CDH4: variants seen among roughly 807,000 people sequenced by gnomAD.
CDH4 encodes cadherin 4, also known as cadherin-4.
In CDH4, 33 loss-of-function variants were observed where a neutral mutation model predicts 86.0. The ratio of observed to expected loss-of-function variants is 0.38; its 90% confidence interval spans 0.29 to 0.51. The LOEUF (loss-of-function observed/expected upper bound fraction) is 0.51, where lower values mean the gene tolerates loss of function less well. Ranked by LOEUF, CDH4 falls within the 20% of genes least tolerant of loss-of-function variation. The probability of loss-of-function intolerance (pLI) is 0.86; values close to 1 mark genes in which losing one functional copy is unlikely to be tolerated. For missense variants in CDH4, 1,114 were observed against 1,307.4 expected (o/e 0.85, Z 2.28); for synonymous variants, 555 against 549.4 (o/e 1.01, Z -0.14).
At chr20:61,366,467 CAG>C (rs1336904581) in intron 2 of CDH4, among the ~76,000 whole-genome samples, 1 of 152,192 alleles carries the variant, frequency 6.6e-6, no homozygotes, top group African/African-American at 2.4e-5. Flanking sequence ...AGTGGGAAAT[CAG>C]GGGTCTCACA....
chr20:61,855,345 A>G (rs1425518415), intron 6 of CDH4, among the ~76,000 whole-genome samples: 1 of 152,208 alleles, frequency 6.6e-6, no homozygotes, highest in African/African-American at 2.4e-5. Context: ...AAGGGAATGA[A>G]TGTGACATTA....
At chr20:61,475,899 C>T (rs2085533156) in intron 2 of CDH4, among the ~76,000 whole-genome samples, 1 of 151,960 alleles carries the variant, frequency 6.6e-6, no homozygotes, top group Admixed American at 6.5e-5. Flanking sequence ...TATGGTTTTG[C>T]ATCTGCCCAT....
At chr20:61,432,273 C>A (rs2085251617) in intron 2 of CDH4, among the ~76,000 whole-genome samples, 1 of 152,182 alleles carries the variant, frequency 6.6e-6, no homozygotes, top group South Asian at 2.1e-4. Context: ...GGCTCCAGTT[C>A]CTCCACATCC....
chr20:61,462,413 A>T (rs2085448964), intron 2 of CDH4, among the ~76,000 whole-genome samples: 1 of 152,212 alleles, frequency 6.6e-6, no homozygotes, highest in Non-Finnish European at 1.5e-5. Flanking sequence ...ATTTGTTTAT[A>T]TGCAAACGAT....
At chr20:61,407,338 C>T (rs114737419) in intron 2 of CDH4, among the ~76,000 whole-genome samples, 1,541 of 152,298 alleles carry the variant, frequency 0.01, 18 homozygotes, top group African/African-American at 0.035. Context: ...CTGTCTCTTC[C>T]TTGAGCTTCT....
At chr20:61,841,084 G>C (rs564489854) in intron 4 of CDH4, among the ~76,000 whole-genome samples, 2 of 152,226 alleles carry the variant, frequency 1.3e-5, no homozygotes, top group Non-Finnish European at 2.9e-5. Context: ...CCTTCCGGCT[G>C]CTGCAGACCC....
rs1238913117 is a variant in CDH4 at position 61,582,375 on chromosome 20, T to C, written c.170-161188T>C. ...GCAGTGAAAAAGGCAGCGTGAGCCC[T>C]GGGGCTTTCCCAGGGCCATCCCCCT... On this transcript the variant is annotated intron_variant, in intron 2 of 15. Transcript: ENST00000614565. This position sits in a 1 kb window ranked among gnomAD's most constrained non-coding sequence, Gnocchi z 4.2. Among the ~76,000 whole-genome samples, 2 of 152,190 alleles carry C rather than the reference T, an allele frequency of 1.3e-5. No individual in the cohort carries two copies. The highest frequency in any genetic ancestry group is 2.9e-5 in the Non-Finnish European group (2 of 68,004).
intron 2 of CDH4, among the ~76,000 whole-genome samples, chr20:61,411,115 TTTCC>T (rs781048831): frequency 2.9e-4 from 38 of 132,808 alleles, no homozygotes; most frequent in Non-Finnish European, 4.8e-4. Flanking sequence ...TTCATCCGTC[TTTCC>T]TTCCATCCAT....
intron 3 of CDH4, among the ~76,000 whole-genome samples, chr20:61,755,558 C>T (rs2088554324): frequency 6.7e-6 from 1 of 148,440 alleles, no homozygotes; most frequent in African/African-American, 2.6e-5. Context: ...GCTGCACACA[C>T]CCACACACAT....
chr20:61,707,826 G>C (rs1014897102), intron 2 of CDH4, among the ~76,000 whole-genome samples: 1 of 152,300 alleles, frequency 6.6e-6, no homozygotes, highest in African/African-American at 2.4e-5. Flanking sequence ...TGAGACTCTG[G>C]TGTCCTTGCT....
chr20:61,282,684 C>A (rs898711192), intron 2 of CDH4, among the ~76,000 whole-genome samples: 1 of 152,114 alleles, frequency 6.6e-6, no homozygotes, highest in Non-Finnish European at 1.5e-5. Context: ...ACGTGTGTGG[C>A]TGTGGGATGT....
intron 2 of CDH4, among the ~76,000 whole-genome samples, chr20:61,277,064 C>T (rs539068580): frequency 1.4e-4 from 22 of 152,188 alleles, no homozygotes; most frequent in East Asian, 3.9e-4. Context: ...CTTCTAGGCA[C>T]CAGCACTGGT....
chr20:61,421,971 A>G (rs1487749966), intron 2 of CDH4, among the ~76,000 whole-genome samples: 1 of 152,188 alleles, frequency 6.6e-6, no homozygotes, highest in Non-Finnish European at 1.5e-5. Context: ...GGGCTGACAC[A>G]CATTCCTCAC....
Position 61,647,525 on chromosome 20 carries a change from T to TCTCTCTCTCTCTCTC in CDH4, c.170-96038_170-96037insCTCTCTCTCTCTCTC, listed in dbSNP as rs1444445171. Among the ~76,000 whole-genome samples, 47 of 69,850 alleles carry TCTCTCTCTCTCTCTC rather than the reference T, an allele frequency of 6.7e-4. 6 individuals are homozygous for TCTCTCTCTCTCTCTC. The highest frequency in any genetic ancestry group is 2.2e-3 in the African/African-American group (41 of 19,042). 45.8% of individuals were successfully genotyped at this position (69,850 alleles called of 152,430 possible). The stretch of plus-strand genomic sequence containing the variant: ...AAACACATCAGTATGCACACACATA[T>TCTCTCTCTCTCTCTC]TCTCTCTCCCTCTCCCTCTCCCTCT... On this transcript the variant is annotated intron_variant, in intron 2 of 15. Transcript: ENST00000614565.
intron 2 of CDH4, among the ~76,000 whole-genome samples, chr20:61,638,522 G>A (rs1356688470): frequency 1.3e-5 from 2 of 152,166 alleles, no homozygotes; most frequent in Non-Finnish European, 2.9e-5. Flanking sequence ...ATAATGGATG[G>A]AGGAGAGCTG....
chr20:61,680,318 C>T (rs1435541267), intron 2 of CDH4, among the ~76,000 whole-genome samples: 1 of 152,240 alleles, frequency 6.6e-6, no homozygotes, highest in Non-Finnish European at 1.5e-5. Context: ...GTGGGACCCG[C>T]ACTAGGGCTG....
At chr20:61,464,203 C>A (rs538014594) in intron 2 of CDH4, among the ~76,000 whole-genome samples, 8 of 152,242 alleles carry the variant, frequency 5.3e-5, no homozygotes, top group African/African-American at 1.9e-4. Flanking sequence ...GGGGGCTGGG[C>A]AAACCCTGCT....
chr20:61,255,885 G>C (rs1048068683), intron 2 of CDH4, among the ~76,000 whole-genome samples: 10 of 152,168 alleles, frequency 6.6e-5, no homozygotes, highest in African/African-American at 2.4e-4. Flanking sequence ...TTGTTGACGT[G>C]CCTTGTTGAT....
At chr20:61,374,931 C>T (rs1382207111) in intron 2 of CDH4, among the ~76,000 whole-genome samples, 13 of 152,232 alleles carry the variant, frequency 8.5e-5, no homozygotes, top group Non-Finnish European at 1.9e-4. Context: ...CCAGACATTC[C>T]TTTCTATTGA....
Sources: gnomAD v4.1 joint callset for allele counts (sites outside exome capture counted in the v4.1 genomes callset) on GRCh38, gnomAD v4.1.1 for gene constraint, Gnocchi (gnomAD v3.1) non-coding constraint, MANE v1.5 for transcripts, NCBI Gene and HGNC (gene_info 2026-07-23, HGNC 2026-07-21) for gene names.